Variants in LINGO2 observed in about 807,000 individuals in gnomAD.
LINGO2 encodes leucine rich repeat and Ig domain containing 2.
LINGO2 carries 14 observed loss-of-function variants against 30.6 expected under a neutral mutation model. The observed-to-expected ratio is 0.46, with a 90% CI of 0.30 to 0.72. The LOEUF (loss-of-function observed/expected upper bound fraction) is 0.72. Ranked by LOEUF, LINGO2 falls within the 30% of genes least tolerant of loss-of-function variation. The probability of loss-of-function intolerance (pLI) is 0.07; values close to 1 mark genes in which losing one functional copy is unlikely to be tolerated. For missense variants in LINGO2, 729 were observed against 751.7 expected, an observed-to-expected ratio of 0.97 and a Z score of 0.35; for synonymous variants, 317 against 288.5, an observed-to-expected ratio of 1.10 and a Z score of -1.00.
the LINGO2 span, among the ~76,000 whole-genome samples, chr9:28,728,662 A>G: frequency 6.6e-6 from 1 of 152,128 alleles, no homozygotes. Context: ...TAAACCCACC[A>G]CCCAGAAACA....
chr9:29,022,724 A>G, the LINGO2 span, among the ~76,000 whole-genome samples: 1 of 152,190 alleles, frequency 6.6e-6, no homozygotes, highest in Admixed American at 6.5e-5. Context: ...TTAAAGTAAT[A>G]AAGAACTAGA....
the LINGO2 span, among the ~76,000 whole-genome samples, chr9:28,688,649 C>G: frequency 6.6e-6 from 1 of 152,120 alleles, no homozygotes; most frequent in Non-Finnish European, 1.5e-5. Context: ...ACAACAAGAA[C>G]TAATTATTAC....
At chr9:28,543,015 A>C (rs981301521) in intron 1 of LINGO2, among the ~76,000 whole-genome samples, 1 of 152,150 alleles carries the variant, frequency 6.6e-6, no homozygotes, top group Non-Finnish European at 1.5e-5. Flanking sequence ...GGCTTCAGTG[A>C]CAAATATGGT....
At chr9:28,044,149 T>C (rs1006306060) in intron 4 of LINGO2, among the ~76,000 whole-genome samples, 2 of 152,182 alleles carry the variant, frequency 1.3e-5, no homozygotes, top group African/African-American at 2.4e-5. Flanking sequence ...ATCTTGGGCA[T>C]GATGCAGTTG....
At chr9:28,877,364 C>G in the LINGO2 span, among the ~76,000 whole-genome samples, 3 of 150,386 alleles carry the variant, frequency 2.0e-5, no homozygotes, top group Non-Finnish European at 4.4e-5. Context: ...AGGTTTTCTT[C>G]TAGGGTTTTT....
intron 1 of LINGO2, among the ~76,000 whole-genome samples, chr9:28,508,848 T>A (rs1205919422): frequency 6.6e-6 from 1 of 152,058 alleles, no homozygotes; most frequent in Admixed American, 6.6e-5. Flanking sequence ...ACACATATGA[T>A]CTTTGAGTTA....
chr9:28,053,320 CG>C, intron 4 of LINGO2, among the ~76,000 whole-genome samples: 1 of 152,032 alleles, frequency 6.6e-6, no homozygotes, highest in South Asian at 2.1e-4. Flanking sequence ...TTAGTATGAC[CG>C]GGTCTTAGGC....
At chr9:27,952,723 C>T (rs867248680) in intron 5 of LINGO2, among the ~76,000 whole-genome samples, 1 of 151,986 alleles carries the variant, frequency 6.6e-6, no homozygotes, top group African/African-American at 2.4e-5. Flanking sequence ...AATTTGCATA[C>T]TAACTTTACT....
chr9:28,283,791 A>T (rs1823410218), intron 4 of LINGO2, among the ~76,000 whole-genome samples: 1 of 151,976 alleles, frequency 6.6e-6, no homozygotes, highest in Non-Finnish European at 1.5e-5. Context: ...TAGGGTAGTT[A>T]TTATTATTAT....
At chr9:29,066,446 T>C in the LINGO2 span, among the ~76,000 whole-genome samples, 7 of 151,960 alleles carry the variant, frequency 4.6e-5, no homozygotes, top group Admixed American at 3.9e-4. Context: ...GTGGGTTATA[T>C]AAAGGTTACT....
chr9:28,396,703 C>CAAAAAAAAAAAAAAAA (rs60660309), intron 2 of LINGO2, among the ~76,000 whole-genome samples: 1 of 53,138 alleles, frequency 1.9e-5, no homozygotes, highest in African/African-American at 7.5e-5. Flanking sequence ...GACTCCATCT[C>CAAAAAAAAAAAAAAAA]AAAAAAAAAA....
At chr9:29,068,690 T>C in the LINGO2 span, among the ~76,000 whole-genome samples, 2 of 151,904 alleles carry the variant, frequency 1.3e-5, no homozygotes, top group Non-Finnish European at 2.9e-5. Flanking sequence ...GTTAATGGAC[T>C]TCAAATGTAC....
chr9:28,056,760 G>T (rs1489345014), intron 4 of LINGO2, among the ~76,000 whole-genome samples: 1 of 152,160 alleles, frequency 6.6e-6, no homozygotes, highest in Non-Finnish European at 1.5e-5. Context: ...CAACTCCAAA[G>T]AATTCTGATA....
chr9:28,034,174 C>T (rs890209095), intron 4 of LINGO2, among the ~76,000 whole-genome samples: 4 of 152,160 alleles, frequency 2.6e-5, no homozygotes, highest in African/African-American at 9.7e-5. Context: ...CTGGGGCGTT[C>T]AGCAGCCTGC....
At chr9:29,132,538 C>T in the LINGO2 span, among the ~76,000 whole-genome samples, 9 of 152,252 alleles carry the variant, frequency 5.9e-5, no homozygotes, top group South Asian at 1.9e-3. Flanking sequence ...CAATGGGAAA[C>T]CTCTAGAGAG....
chr9:28,100,512 C>T (rs778684460), intron 4 of LINGO2, among the ~76,000 whole-genome samples: 148 of 152,052 alleles, frequency 9.7e-4, no homozygotes, highest in Non-Finnish European at 1.1e-3. Flanking sequence ...TAAAAACTTG[C>T]CCTATTGTAA....
chr9:28,327,984 A>G (rs1467853209), intron 3 of LINGO2, among the ~76,000 whole-genome samples: 1 of 152,228 alleles, frequency 6.6e-6, no homozygotes, highest in Non-Finnish European at 1.5e-5. Context: ...CACTCTCAGC[A>G]GCCAGGGGCC....
At chr9:28,002,691 C>T (rs118137652) in intron 5 of LINGO2, among the ~76,000 whole-genome samples, 8 of 152,208 alleles carry the variant, frequency 5.3e-5, no homozygotes, top group South Asian at 2.1e-4. Flanking sequence ...CCTTGAATAA[C>T]GCCATTTCAG....
chr9:28,470,051 G>C (rs1825461174), intron 2 of LINGO2, among the ~76,000 whole-genome samples: 1 of 151,962 alleles, frequency 6.6e-6, no homozygotes, highest in Non-Finnish European at 1.5e-5. Context: ...TGTATATATA[G>C]ACGTAATTTG....
Sources: gnomAD v4.1 joint callset for allele counts (sites outside exome capture counted in the v4.1 genomes callset) on GRCh38, gnomAD v4.1.1 for gene constraint, MANE v1.5 for transcripts, NCBI Gene and HGNC (gene_info 2026-07-23, HGNC 2026-07-21) for gene names.